NUP93: variants seen among roughly 807,000 people sequenced by gnomAD.
NUP93 encodes the protein nucleoporin 93, also known as nuclear pore complex protein Nup93.
In NUP93, 55 loss-of-function variants were observed where a neutral mutation model predicts 107.8. The observed-to-expected ratio is 0.51, with a 90% CI of 0.41 to 0.64. The LOEUF is 0.64. NUP93 is among the 30% of genes least tolerant of loss of function. The pLI is 0.00. For missense variants in NUP93, 937 were observed against 1,044.7 expected (o/e 0.90, Z 1.42); for synonymous variants, 390 against 397.5 (o/e 0.98, Z 0.22).
rs1429522113 is a variant in NUP93, at chr16:56,730,205, G to T, written c.-21G>T. On this transcript the variant is annotated 5_prime_UTR_variant, in exon 1 of 22. Transcript: ENST00000308159. ...CACCTGAGCGGCGGAGACGGCTGTA[G>T]CACAAGGTAAGGGTGTGTCTGGTCG... 1 of 152,428 alleles carries T rather than the reference G, an allele frequency of 6.6e-6. No individual in the cohort carries two copies. The highest frequency in any genetic ancestry group is 2.1e-4 in the South Asian group (1 of 4,838). 9.4% of individuals were successfully genotyped at this position (152,428 alleles called of 1,614,324 possible). A position where few individuals can be genotyped will look rare whatever the true frequency, so the allele number is the denominator to read the frequency against.
At chr16:56,789,269 T>C (rs1223707679) in intron 3 of NUP93, among the ~76,000 whole-genome samples, 1 of 152,248 alleles carries the variant, frequency 6.6e-6, no homozygotes, top group African/African-American at 2.4e-5. Flanking sequence ...CCATGTGTTG[T>C]CAGGTTTTGA....
chr16:56,828,922 G>A, intron 8 of NUP93, 55 bp from the exon 9 acceptor site: 4 of 1,570,478 alleles, frequency 2.5e-6, no homozygotes, highest in Non-Finnish European at 1.7e-6. Context: ...TGGGCATAGA[G>A]ATGTGTAATA....
intron 5 of NUP93, among the ~76,000 whole-genome samples, chr16:56,814,599 C>T (rs1963382535): frequency 2.6e-5 from 4 of 152,150 alleles, no homozygotes; most frequent in Admixed American, 2.6e-4. Flanking sequence ...TTTGCGGTTC[C>T]CTCCTGCCAC....
chr16:56,834,702 A>G (rs1963875073), intron 15 of NUP93, 32 bp from the exon 16 acceptor site: 1 of 1,590,104 alleles, frequency 6.3e-7, no homozygotes. Flanking sequence ...ATCTTTGTCC[A>G]ATAATTTGAG....
chr16:56,808,520 A>ATATAAATATATAGTTATGTAAC (rs1963222054), intron 5 of NUP93, among the ~76,000 whole-genome samples: 1 of 123,858 alleles, frequency 8.1e-6, no homozygotes. Flanking sequence ...TTATGTAACT[A>ATATAAATATATAGTTATGTAAC]TATATAAATA....
intron 5 of NUP93, among the ~76,000 whole-genome samples, chr16:56,814,933 C>G (rs1567402112): frequency 6.6e-6 from 1 of 152,176 alleles, no homozygotes; most frequent in African/African-American, 2.4e-5. Context: ...AAATATTTGC[C>G]GGTTCCTCTG....
At chr16:56,806,538 C>T (rs1963145303) in intron 5 of NUP93, among the ~76,000 whole-genome samples, 1 of 152,148 alleles carries the variant, frequency 6.6e-6, no homozygotes, top group Non-Finnish European at 1.5e-5. Flanking sequence ...AGGCTGCACT[C>T]ATTTCAAGGC....
At chr16:56,842,342 A>G (rs1408773807) in intron 21 of NUP93, among the ~76,000 whole-genome samples, 1 of 152,138 alleles carries the variant, frequency 6.6e-6, no homozygotes, top group Non-Finnish European at 1.5e-5. Context: ...CTCAGGTGGC[A>G]GGTAGGTGAA....
Position 56,837,707 on chromosome 16 carries a change from G to C in NUP93, c.1999G>C (p.Ala667Pro), listed in dbSNP as rs1192222864. The C allele has an allele frequency of 6.2e-7, 1 of 1,613,780 alleles. No individual in the cohort carries two copies. The highest frequency in any genetic ancestry group is 8.5e-7 in the Non-Finnish European group (1 of 1,179,760). Residue 667 changes from alanine (A) to proline (P), a missense_variant, in exon 18 of 22, where the codon GCA becomes CCA. Coordinates refer to ENST00000308159, the MANE Select transcript of NUP93 (RefSeq NM_014669.5). ...CAACAAGGAGAGGCTGAAGAACATG[G>C]CACTCTCCATTGCCGAACGGTAAGC... ...QSNKERLKNM[A>P]LSIAERYRAQ...
intron 5 of NUP93, among the ~76,000 whole-genome samples, chr16:56,815,139 G>A (rs1473509247): frequency 6.6e-6 from 1 of 152,194 alleles, no homozygotes; most frequent in Non-Finnish European, 1.5e-5. Flanking sequence ...TAGGTTTTTA[G>A]CACTGGAAAA....
At chr16:56,749,240 G>T (rs747396040) in intron 2 of NUP93, among the ~76,000 whole-genome samples, 1 of 152,158 alleles carries the variant, frequency 6.6e-6, no homozygotes, top group Non-Finnish European at 1.5e-5. Context: ...TGATTTACTG[G>T]TTATTTACTG....
intron 3 of NUP93, among the ~76,000 whole-genome samples, chr16:56,774,495 T>TGG (rs1962377178): frequency 6.6e-6 from 1 of 152,068 alleles, no homozygotes. Context: ...TACTTTTCCT[T>TGG]AGCTGCTAGT....
At chr16:56,814,602 C>T (rs1963382675) in intron 5 of NUP93, among the ~76,000 whole-genome samples, 1 of 152,216 alleles carries the variant, frequency 6.6e-6, no homozygotes, top group Non-Finnish European at 1.5e-5. Context: ...GCGGTTCCCT[C>T]CTGCCACTTT....
chr16:56,798,975 A>C (rs1319776344), intron 4 of NUP93, among the ~76,000 whole-genome samples: 1 of 152,064 alleles, frequency 6.6e-6, no homozygotes, highest in African/African-American at 2.4e-5. Flanking sequence ...CTACAGAGAG[A>C]GTTCTACAGG....
At chr16:56,831,541 A>G (rs1963786225) in intron 10 of NUP93, 1 of 268,588 alleles carries the variant, frequency 3.7e-6, no homozygotes, top group African/African-American at 2.2e-5. Context: ...ACTCCTGTCC[A>G]TCACTGCTTG....
intron 2 of NUP93, among the ~76,000 whole-genome samples, chr16:56,757,790 G>T (rs1197872466): frequency 6.6e-6 from 1 of 152,180 alleles, no homozygotes; most frequent in African/African-American, 2.4e-5. Flanking sequence ...CTTGAATTCT[G>T]GTTTGATTGC....
chr16:56,733,222 CA>C (rs1222457204), intron 1 of NUP93, among the ~76,000 whole-genome samples: 1 of 152,102 alleles, frequency 6.6e-6, no homozygotes, highest in Non-Finnish European at 1.5e-5. Flanking sequence ...CTATGGAGAG[CA>C]CCCTTTATAG....
intron 21 of NUP93, 54 bp downstream of exon 21, chr16:56,841,887 G>A: frequency 1.2e-6 from 2 of 1,603,338 alleles, no homozygotes; most frequent in South Asian, 1.1e-5. Flanking sequence ...TTCTGGTTTG[G>A]AATCCGTTGC....
chr16:56,795,939 G>A (rs1479110634), intron 3 of NUP93, among the ~76,000 whole-genome samples: 2 of 152,050 alleles, frequency 1.3e-5, no homozygotes, highest in East Asian at 3.9e-4. Context: ...GAGCCACCGC[G>A]CTCGGCCATG....
Sources: gnomAD v4.1 joint callset for allele counts (sites outside exome capture counted in the v4.1 genomes callset) on GRCh38, gnomAD v4.1.1 for gene constraint, MANE v1.5 for transcripts, NCBI Gene and HGNC (gene_info 2026-07-23, HGNC 2026-07-21) for gene names.